Variants in FRMD4A observed in about 807,000 individuals in gnomAD.
FRMD4A encodes the protein FERM domain-containing protein 4A.
A neutral mutation model predicts 129.1 loss-of-function variants in FRMD4A; 29 were observed. The ratio of observed to expected loss-of-function variants is 0.22; its 90% CI spans 0.17 to 0.31. The LOEUF is 0.31. Ranked by LOEUF, FRMD4A falls within the 10% of genes least tolerant of loss-of-function variation. The pLI is 1.00. For missense variants in FRMD4A, 1,272 were observed against 1,375.8 expected (o/e 0.92, Z 1.19); for synonymous variants, 634 against 571.6 (o/e 1.11, Z -1.56).
chr10:13,889,126 G>C (rs766504296), intron 2 of FRMD4A, among the ~76,000 whole-genome samples: 2 of 152,204 alleles, frequency 1.3e-5, no homozygotes, highest in African/African-American at 4.8e-5. Context: ...TGCAGTAAAG[G>C]CAGTAACGAT....
intron 16 of FRMD4A, 109 bp from the exon 17 acceptor site, chr10:13,670,637 A>C: frequency 9.8e-7 from 1 of 1,022,824 alleles, no homozygotes; most frequent in African/African-American, 1.6e-5. Flanking sequence ...GCACGCATGC[A>C]CTTCGATACA....
At chr10:13,678,281 G>A (rs1014521157) in intron 15 of FRMD4A, among the ~76,000 whole-genome samples, 2 of 152,134 alleles carry the variant, frequency 1.3e-5, no homozygotes, top group Admixed American at 1.3e-4. Flanking sequence ...GGTTGGCTCC[G>A]TTTCATGCCA....
intron 2 of FRMD4A, among the ~76,000 whole-genome samples, chr10:14,220,881 G>A (rs1843236535): frequency 6.6e-6 from 1 of 151,764 alleles, no homozygotes; most frequent in South Asian, 2.1e-4. Context: ...TGGTATCAGG[G>A]ACCAGGAACT....
At chr10:14,279,468 C>T (rs1845448582) in intron 2 of FRMD4A, among the ~76,000 whole-genome samples, 1 of 152,090 alleles carries the variant, frequency 6.6e-6, no homozygotes, top group African/African-American at 2.4e-5. Flanking sequence ...CAAAGTGCTA[C>T]AATTACAGGC....
chr10:14,302,786 G>C (rs916097071), intron 2 of FRMD4A, among the ~76,000 whole-genome samples: 1 of 152,180 alleles, frequency 6.6e-6, no homozygotes, highest in African/African-American at 2.4e-5. Context: ...CTGTATACTT[G>C]TGCATCCTGA....
chr10:13,849,448 T>A (rs1049509290), intron 3 of FRMD4A, among the ~76,000 whole-genome samples: 4 of 151,512 alleles, frequency 2.6e-5, no homozygotes, highest in South Asian at 4.2e-4. Flanking sequence ...TTGGGGGGGA[T>A]TCCTGCTTTA....
intron 6 of FRMD4A, among the ~76,000 whole-genome samples, chr10:13,782,688 C>T (rs775137002): frequency 2.6e-5 from 4 of 152,128 alleles, no homozygotes; most frequent in African/African-American, 4.8e-5. Context: ...GTGATCCACC[C>T]GCCTCGGCCT....
At chr10:13,972,150 G>C (rs2095522321) in intron 2 of FRMD4A, 4 of 1,056,676 alleles carry the variant, frequency 3.8e-6, no homozygotes, top group South Asian at 3.3e-5. Context: ...TGGCTCTTTG[G>C]CAGATCAAAC....
At chr10:14,092,304 T>C (rs1253090370) in intron 2 of FRMD4A, among the ~76,000 whole-genome samples, 2 of 152,206 alleles carry the variant, frequency 1.3e-5, no homozygotes, top group Non-Finnish European at 2.9e-5. Flanking sequence ...TCAACCTGCC[T>C]ATGGACAGTG....
chr10:13,829,734 A>G (rs1270421332), intron 3 of FRMD4A, among the ~76,000 whole-genome samples: 1 of 152,168 alleles, frequency 6.6e-6, no homozygotes, highest in Non-Finnish European at 1.5e-5. Flanking sequence ...CTTTAGCCCC[A>G]ACCACCCTTA....
intron 2 of FRMD4A, among the ~76,000 whole-genome samples, chr10:13,900,757 C>T (rs575382583): frequency 2.6e-5 from 4 of 152,034 alleles, no homozygotes; most frequent in East Asian, 1.9e-4. Flanking sequence ...ATTAGCCAGG[C>T]GTGTTGGCAG....
At chr10:13,843,932 G>A (rs2094006735) in intron 3 of FRMD4A, among the ~76,000 whole-genome samples, 1 of 152,186 alleles carries the variant, frequency 6.6e-6, no homozygotes, top group African/African-American at 2.4e-5. Context: ...CGAATTAACT[G>A]CATTTAATTC....
chr10:13,690,625 C>G (rs148760216), intron 15 of FRMD4A, among the ~76,000 whole-genome samples: 158 of 152,280 alleles, frequency 1.0e-3, no homozygotes, highest in Non-Finnish European at 1.7e-3. Flanking sequence ...GACCTGCCCT[C>G]GGGTTGAGTC....
rs1555012498 is a variant in FRMD4A, at chr10:14,008,162, C to CTGTGCGTG, written c.46-149251_46-149250insCACGCACA. On this transcript the variant is annotated intron_variant, in intron 2 of 24. Transcript: ENST00000357447. ...CAGCCTGAACCACCATGGTGTACAG[C>CTGTGCGTG]TGTGTGTGTGTGTGTGTGTGTGTGT... is the stretch of plus-strand genomic sequence containing the variant. 155 of 630,250 alleles carry CTGTGCGTG rather than the reference C, an allele frequency of 2.5e-4. 1 individual carries two copies. In the South Asian group the frequency reaches 4.3e-3, roughly 18 times the overall value. 39.0% of individuals were successfully genotyped at this position (630,250 alleles called of 1,614,324 possible).
chr10:14,185,663 T>C (rs778727313), intron 2 of FRMD4A, among the ~76,000 whole-genome samples: 4 of 152,074 alleles, frequency 2.6e-5, no homozygotes, highest in Non-Finnish European at 4.4e-5. Flanking sequence ...TTGTTAGCTG[T>C]GCAGATGAGC....
intron 2 of FRMD4A, among the ~76,000 whole-genome samples, chr10:14,130,763 T>A (rs946973655): frequency 1.8e-4 from 28 of 152,338 alleles, no homozygotes; most frequent in African/African-American, 6.7e-4. Flanking sequence ...TGCGTGCCTA[T>A]ATCGGTAAAT....
intron 14 of FRMD4A, among the ~76,000 whole-genome samples, chr10:13,695,670 A>C (rs2086155318): frequency 6.6e-6 from 1 of 152,246 alleles, no homozygotes; most frequent in South Asian, 2.1e-4. Context: ...CACTGTCTAC[A>C]GCACACACAC....
intron 18 of FRMD4A, among the ~76,000 whole-genome samples, chr10:13,665,165 C>T (rs568888103): frequency 6.6e-6 from 1 of 152,280 alleles, no homozygotes; most frequent in South Asian, 2.1e-4. Context: ...AGCCACCTCA[C>T]CCAGCCCCAG....
chr10:14,273,555 A>G (rs1205172897), intron 2 of FRMD4A, among the ~76,000 whole-genome samples: 1 of 152,208 alleles, frequency 6.6e-6, no homozygotes, highest in Non-Finnish European at 1.5e-5. Flanking sequence ...TACTCTGCTC[A>G]TCTTTTCAGA....
Sources: gnomAD v4.1 joint callset for allele counts (sites outside exome capture counted in the v4.1 genomes callset) on GRCh38, gnomAD v4.1.1 for gene constraint, MANE v1.5 for transcripts, NCBI Gene and HGNC (gene_info 2026-07-23, HGNC 2026-07-21) for gene names.